Variants in AP1G1 observed in about 807,000 individuals in gnomAD.
AP1G1 encodes adaptor related protein complex 1 subunit gamma 1.
In AP1G1, 7 loss-of-function variants were observed where a neutral mutation model predicts 108.3. The observed-to-expected ratio is 0.06, with a 90% CI of 0.04 to 0.12. The LOEUF (loss-of-function observed/expected upper bound fraction) is 0.12. Among genes scored for constraint, AP1G1 ranks in the 10% least tolerant of loss-of-function variants. The pLI is 1.00. For missense variants in AP1G1, 756 were observed against 1,010.7 expected, an observed-to-expected ratio of 0.75 and a Z score of 3.42; for synonymous variants, 379 against 353.5, an observed-to-expected ratio of 1.07 and a Z score of -0.81.
At chr16:71,784,260 CA>C (rs2032123206) in intron 2 of AP1G1, among the ~76,000 whole-genome samples, 1 of 152,292 alleles carries the variant, frequency 6.6e-6, no homozygotes, top group Admixed American at 6.5e-5. Flanking sequence ...CCCCATTTTA[CA>C]GATGAGGAAA....
chr16:71,750,214 G>A lies in AP1G1; in HGVS notation c.1403C>T (p.Ser468Phe). The A allele has an allele frequency of 1.2e-6, 2 of 1,613,708 alleles. No individual in the cohort carries two copies. The highest frequency in any genetic ancestry group is 1.7e-6 in the Non-Finnish European group (2 of 1,179,904). Residue 468 changes from serine (S) to phenylalanine (F), a missense_variant, in exon 14 of 23, where the codon TCT becomes TTT. This residue lies in a region of AP1G1 where 357 missense variants were observed against 366.5 expected (regional missense o/e 0.97). Coordinates refer to ENST00000299980, the MANE Select transcript of AP1G1 (RefSeq NM_001128.6). ...RLYKAILGDYSQQPLVQVAAW... is the reference protein window; with the variant it reads ...RLYKAILGDYFQQPLVQVAAW... Reference sequence around the variant, plus strand: ...ATAGTTGAATGAAGTACTTACTTGAGAATAATCACCAAGAATTGCTTTGTA... The same window carrying A: ...ATAGTTGAATGAAGTACTTACTTGAAAATAATCACCAAGAATTGCTTTGTA...
chr16:71,773,815 C>G (rs1256694254), intron 3 of AP1G1, among the ~76,000 whole-genome samples: 1 of 149,562 alleles, frequency 6.7e-6, no homozygotes, highest in Admixed American at 6.6e-5. Flanking sequence ...TGGTGGCGGG[C>G]GCCTATAATC....
chr16:71,750,834 T>A (rs1194038853), intron 13 of AP1G1, among the ~76,000 whole-genome samples: 1 of 152,150 alleles, frequency 6.6e-6, no homozygotes, highest in East Asian at 1.9e-4. Flanking sequence ...GTTACATTTT[T>A]AAATTTTATT....
At chr16:71,773,136 C>G in intron 4 of AP1G1, 85 bp downstream of exon 4, 4 of 1,444,876 alleles carry the variant, frequency 2.8e-6, no homozygotes, top group Non-Finnish European at 2.9e-6. Context: ...ACATTATCAT[C>G]AGATCTTTCA....
intron 19 of AP1G1, 134 bp downstream of exon 19, chr16:71,745,010 G>C: frequency 1.1e-6 from 1 of 924,984 alleles, no homozygotes; most frequent in Non-Finnish European, 1.6e-6. Flanking sequence ...ATATTGTGAA[G>C]ATTTGACTCT....
chr16:71,795,409 T>A (rs943215102), intron 1 of AP1G1, among the ~76,000 whole-genome samples: 14 of 152,220 alleles, frequency 9.2e-5, no homozygotes, highest in Admixed American at 8.5e-4. Flanking sequence ...TAAGCAAGAC[T>A]TCAATTAACT....
intron 15 of AP1G1, among the ~76,000 whole-genome samples, chr16:71,749,481 TAA>T (rs58512452): frequency 4.8e-5 from 7 of 146,044 alleles, no homozygotes; most frequent in African/African-American, 7.5e-5. Context: ...GAGACTCTAT[TAA>T]AAAAAAAAAA....
chr16:71,745,640 T>C (rs768027157), intron 17 of AP1G1, 26 bp from the exon 18 acceptor site: 8 of 1,599,782 alleles, frequency 5.0e-6, no homozygotes, highest in Non-Finnish European at 6.9e-6. Context: ...GTGGTTAAAT[T>C]CTAGGCAGTT....
intron 1 of AP1G1, among the ~76,000 whole-genome samples, chr16:71,795,979 G>A (rs747381577): frequency 6.6e-6 from 1 of 152,224 alleles, no homozygotes; most frequent in African/African-American, 2.4e-5. Flanking sequence ...GCTCACGCCT[G>A]TAATCCCAGC....
At chr16:71,781,693 T>C (rs1014421900) in intron 2 of AP1G1, among the ~76,000 whole-genome samples, 4 of 152,242 alleles carry the variant, frequency 2.6e-5, no homozygotes, top group Admixed American at 1.3e-4. Flanking sequence ...AACTCACTGC[T>C]ACATAGTATC....
At chr16:71,779,732 A>T (rs1441396755) in intron 2 of AP1G1, among the ~76,000 whole-genome samples, 2 of 152,186 alleles carry the variant, frequency 1.3e-5, no homozygotes, top group African/African-American at 2.4e-5. Flanking sequence ...ATCTTCCTGT[A>T]GCAAGTACAA....
chr16:71,780,433 G>A (rs967249805), intron 2 of AP1G1, among the ~76,000 whole-genome samples: 1 of 150,210 alleles, frequency 6.7e-6, no homozygotes, highest in Non-Finnish European at 1.5e-5. Context: ...GAAGGCTGCA[G>A]TGAACTACGA....
At chr16:71,774,702 T>A in intron 2 of AP1G1, 110 bp from the exon 3 acceptor site, 1 of 1,173,246 alleles carries the variant, frequency 8.5e-7, no homozygotes, top group South Asian at 1.7e-5. Flanking sequence ...AGTACAAATG[T>A]GTTTCATCAA....
chr16:71,808,052 C>CCTAA (rs2033056943), intron 1 of AP1G1: 1 of 1,181,800 alleles, frequency 8.5e-7, no homozygotes, highest in Admixed American at 3.8e-5. Flanking sequence ...TACACCGAGT[C>CCTAA]CTAACCGGGA....
chr16:71,808,598 C>CT, intron 1 of AP1G1, 165 bp downstream of exon 1: 1 of 1,289,576 alleles, frequency 7.8e-7, no homozygotes. Context: ...GGAGCAGCCC[C>CT]TGGGGCTCCC....
rs148345926 is a variant in AP1G1 at position 71,750,476 on chromosome 16, G to A, written c.1285-144C>T. 1,127 of 924,748 alleles carry A rather than the reference G, an allele frequency of 1.2e-3. 14 individuals carry two copies. The East Asian group carries it at 0.026, about 21-fold the overall frequency. The allele number at this position is 924,748 out of a possible 1,614,324, so 57.3% of individuals were successfully genotyped here. A position where few individuals can be genotyped will look rare whatever the true frequency, so the allele number is the denominator to read the frequency against. On this transcript the variant is annotated intron_variant, in intron 13 of 22. Coordinates refer to ENST00000299980, the MANE Select transcript of AP1G1 (RefSeq NM_001128.6). ...GTCACCCAGGCTGGAGTGCGATAGC[G>A]CGATCTTGGCTCACTGCAACCTCCA...
At chr16:71,781,002 G>C (rs1022780902) in intron 2 of AP1G1, among the ~76,000 whole-genome samples, 1 of 152,072 alleles carries the variant, frequency 6.6e-6, no homozygotes, top group African/African-American at 2.4e-5. Flanking sequence ...TACTTTTGTA[G>C]AGATGAGGTC....
chr16:71,760,777 G>A (rs1329824251), intron 10 of AP1G1, among the ~76,000 whole-genome samples: 1 of 151,992 alleles, frequency 6.6e-6, no homozygotes, highest in Non-Finnish European at 1.5e-5. Context: ...TCGAACTCCT[G>A]GGATCATGAT....
chr16:71,804,193 C>T (rs1167395524), intron 1 of AP1G1, among the ~76,000 whole-genome samples: 3 of 150,386 alleles, frequency 2.0e-5, no homozygotes, highest in Admixed American at 6.7e-5. Context: ...ACTACAGGCG[C>T]GCACCATCAT....
Sources: gnomAD v4.1 joint callset for allele counts (sites outside exome capture counted in the v4.1 genomes callset) on GRCh38, gnomAD v4.1.1 for gene constraint, gnomAD v4.1.1 regional missense constraint, MANE v1.5 for transcripts, NCBI Gene and HGNC (gene_info 2026-07-23, HGNC 2026-07-21) for gene names.